TRPM6: variants seen among roughly 807,000 people sequenced by gnomAD.
TRPM6 encodes channel kinase 2.
TRPM6 carries 111 observed loss-of-function variants against 247.6 expected under a neutral mutation model. That is an observed-to-expected ratio of 0.45 (90% CI 0.38 to 0.52). The LOEUF is 0.52. TRPM6 is among the 20% of genes least tolerant of loss of function. The pLI, the probability that TRPM6 is intolerant of heterozygous loss-of-function variation, is 0.00. For synonymous variants in TRPM6, 892 were observed against 853.8 expected (o/e 1.04, Z -0.78); for missense variants, 2,126 against 2,421.5 (o/e 0.88, Z 2.56).
chr9:74,785,371 A>C (rs1587502548), intron 21 of TRPM6, among the ~76,000 whole-genome samples: 1 of 152,328 alleles, frequency 6.6e-6, no homozygotes, highest in African/African-American at 2.4e-5. Flanking sequence ...AAAGAGTATA[A>C]GTGAGTTGTT....
At chr9:74,814,516 T>C (rs983330623) in intron 11 of TRPM6, among the ~76,000 whole-genome samples, 3 of 152,184 alleles carry the variant, frequency 2.0e-5, no homozygotes, top group Non-Finnish European at 4.4e-5. Context: ...TTTGATGTGA[T>C]TATTACACAT....
At chr9:74,839,706 A>G (rs1235577884) in intron 5 of TRPM6, among the ~76,000 whole-genome samples, 3 of 152,022 alleles carry the variant, frequency 2.0e-5, no homozygotes, top group Non-Finnish European at 2.9e-5. Flanking sequence ...GGAAAAATCT[A>G]TGATTCTTCT....
intron 27 of TRPM6, among the ~76,000 whole-genome samples, chr9:74,756,662 TGA>T (rs1826436973): frequency 9.1e-6 from 1 of 109,600 alleles, no homozygotes; most frequent in African/African-American, 4.1e-5. Flanking sequence ...CTGGACAACA[TGA>T]AGAAACCCCG....
rs766104913 is a variant in TRPM6, at chr9:74,762,303, T to C, written c.4368A>G (p.Ala1456=). ...CACCAGTTTCATCACCTTCTGAAAA[T>C]GCCCAGTTTACATATCCACCTCCAG... is the stretch of plus-strand genomic sequence containing the variant. ...MQTGGGYVNW[A]FSEGDETGVF... Residue 1456 remains alanine (A), a synonymous_variant, in exon 26 of 39, where the codon GCA becomes GCG. Coordinates refer to ENST00000360774, the MANE Select transcript of TRPM6 (RefSeq NM_017662.5). The C allele has an allele frequency of 3.1e-6, 5 of 1,614,130 alleles. No individual in the cohort carries two copies. Among genetic ancestry groups the C allele is most frequent in the Non-Finnish European group, 4.2e-6 (5 of 1,180,054 alleles).
intron 1 of TRPM6, among the ~76,000 whole-genome samples, chr9:74,879,607 C>A (rs1018018074): frequency 6.6e-6 from 1 of 151,892 alleles, no homozygotes; most frequent in Non-Finnish European, 1.5e-5. Flanking sequence ...AGGGTCCCAC[C>A]CTATACCCTG....
chr9:74,776,286 G>C, intron 23 of TRPM6: 2 of 514,418 alleles, frequency 3.9e-6, no homozygotes, highest in Non-Finnish European at 7.1e-6. Context: ...AGAATAACAA[G>C]CAGAAGGCAG....
At chr9:74,847,963 A>G (rs1379017797) in intron 3 of TRPM6, among the ~76,000 whole-genome samples, 1 of 152,232 alleles carries the variant, frequency 6.6e-6, no homozygotes, top group Non-Finnish European at 1.5e-5. Flanking sequence ...ATTGCTGTCA[A>G]TCAGAACAGG....
chr9:74,726,257 C>T (rs954869798), intron 38 of TRPM6, among the ~76,000 whole-genome samples: 1 of 152,158 alleles, frequency 6.6e-6, no homozygotes, highest in Non-Finnish European at 1.5e-5. Context: ...CACCTGTAAT[C>T]CCAGCACTTT....
chr9:74,740,072 T>A, intron 33 of TRPM6, 63 bp from the exon 34 acceptor site: 1 of 1,560,618 alleles, frequency 6.4e-7, no homozygotes, highest in South Asian at 1.1e-5. Flanking sequence ...ATGAATAGTA[T>A]CCTAAATATC....
chr9:74,745,486 T>C (rs1826013494), intron 31 of TRPM6, among the ~76,000 whole-genome samples: 1 of 151,908 alleles, frequency 6.6e-6, no homozygotes, highest in Non-Finnish European at 1.5e-5. Flanking sequence ...TGTGTGTGTA[T>C]GCATCAACTT....
chr9:74,845,333 T>C (rs1391220867), intron 3 of TRPM6, among the ~76,000 whole-genome samples: 1 of 152,186 alleles, frequency 6.6e-6, no homozygotes, highest in African/African-American at 2.4e-5. Flanking sequence ...ATCTCTTGCA[T>C]ACTCATGTTC....
chr9:74,759,609 T>A (rs1428807085), intron 27 of TRPM6, among the ~76,000 whole-genome samples: 1 of 152,040 alleles, frequency 6.6e-6, no homozygotes, highest in Non-Finnish European at 1.5e-5. Context: ...TTCTTAGCTA[T>A]CTTCATATAC....
At chr9:74,781,730 A>G (rs1199011785) in intron 23 of TRPM6, among the ~76,000 whole-genome samples, 1 of 152,118 alleles carries the variant, frequency 6.6e-6, no homozygotes, top group Non-Finnish European at 1.5e-5. Context: ...CAATTCCATC[A>G]CTTGCTATCC....
At position 74,816,766 on chromosome 9, in the gene TRPM6, G is replaced by C. The variant is rs750892108; in HGVS notation, c.1211C>G (p.Thr404Arg). 7 of 1,614,000 alleles carry C rather than the reference G, an allele frequency of 4.3e-6. No individual in the cohort carries two copies. The highest frequency in any genetic ancestry group is 4.2e-6 in the Non-Finnish European group (5 of 1,180,002). The change falls in exon 11 of 39, where the codon ACA becomes AGA. Residue 404 changes from threonine to arginine, a missense_variant. This residue lies in a region of TRPM6 where 1,082 missense variants were observed against 1,307.9 expected (regional missense o/e 0.83). Transcript: ENST00000360774. ...TAATTGCTCTGACGCTGATAAATTT[G>C]TGCCTAGGGTAAAAGAAAGGAACAA... is the stretch of plus-strand genomic sequence containing the variant. ...LAILTALLKG[T>R]NLSASEQLNL...
chr9:74,784,832 C>A (rs769834758), intron 21 of TRPM6, among the ~76,000 whole-genome samples: 3 of 152,146 alleles, frequency 2.0e-5, no homozygotes, highest in African/African-American at 7.2e-5. Flanking sequence ...TCCAAGATAG[C>A]GAGGCACAAT....
intron 11 of TRPM6, among the ~76,000 whole-genome samples, chr9:74,814,968 AT>A (rs1483450701): frequency 6.6e-6 from 1 of 152,142 alleles, no homozygotes; most frequent in African/African-American, 2.4e-5. Flanking sequence ...AAATTAGTTA[AT>A]TGATTATTAA....
At chr9:74,861,531 C>G (rs1830689743) in intron 1 of TRPM6, among the ~76,000 whole-genome samples, 1 of 152,180 alleles carries the variant, frequency 6.6e-6, no homozygotes, top group Non-Finnish European at 1.5e-5. Context: ...CCATTCACTT[C>G]TTTCAAAATG....
rs1425611325 is a variant in TRPM6 at position 74,802,055 on chromosome 9, T to A, written c.1852A>T (p.Met618Leu). The A allele has an allele frequency of 1.9e-6, 3 of 1,614,028 alleles. No homozygotes were observed. Among genetic ancestry groups the A allele is most frequent in the African/African-American group, 2.7e-5 (2 of 74,918 alleles). The change falls in exon 16 of 39, where the codon ATG becomes TTG. Residue 618 changes from methionine to leucine, a missense_variant. Around this residue, in one of 3 missense-constraint regions of TRPM6, gnomAD observed 1,082 missense variants for 1,307.9 expected, o/e 0.83. Coordinates refer to ENST00000360774, the MANE Select transcript of TRPM6 (RefSeq NM_017662.5). ...YNDLLVWAVL[M>L]KRQKMAMFFW... ...AACATAGCCATCTTCTGCCTTTTCA[T>A]CAGCACAGCCCAAACCAGCAGGTCA...
chr9:74,770,397 G>T (rs1826990513), intron 25 of TRPM6, among the ~76,000 whole-genome samples: 1 of 152,128 alleles, frequency 6.6e-6, no homozygotes, highest in Non-Finnish European at 1.5e-5. Context: ...GAACAATTCT[G>T]TTTTAAAAAA....
Sources: allele counts gnomAD v4.1 joint callset (sites outside exome capture counted in the v4.1 genomes callset), GRCh38; gene constraint gnomAD v4.1.1; regional missense constraint gnomAD v4.1.1; transcripts MANE v1.5; gene names NCBI Gene and HGNC (gene_info 2026-07-23, HGNC 2026-07-21).